Variants in DMD observed in about 807,000 individuals in gnomAD.
DMD encodes mutant dystrophin.
DMD carries 63 observed loss-of-function variants against 330.1 expected under a neutral mutation model. The ratio of observed to expected loss-of-function variants is 0.19; its 90% CI spans 0.16 to 0.24. DMD has a LOEUF of 0.24. DMD is among the 10% of genes least tolerant of loss of function. The probability of loss-of-function intolerance (pLI) is 1.00; values close to 1 mark genes in which losing one functional copy is unlikely to be tolerated. For missense variants in DMD, 3,344 were observed against 2,684.1 expected, an observed-to-expected ratio of 1.25 and a Z score of -5.43; for synonymous variants, 1,223 against 959.8, an observed-to-expected ratio of 1.27 and a Z score of -5.07.
intron 1 of DMD, among the ~76,000 whole-genome samples, chrX:33,332,981 A>T (rs964232492): frequency 9.0e-6 from 1 of 110,978 alleles, no homozygotes; most frequent in African/African-American, 3.3e-5. Context: ...GAGTAATGTG[A>T]ACCAGAGTTC....
At chrX:31,480,285 T>C (rs1176827143) in intron 57 of DMD, among the ~76,000 whole-genome samples, 1 of 111,577 alleles carries the variant, frequency 9.0e-6, no homozygotes, top group Non-Finnish European at 1.9e-5. Flanking sequence ...CTTAGCGGTG[T>C]TCACCATTCA....
intron 48 of DMD, among the ~76,000 whole-genome samples, chrX:31,846,130 G>A (rs1278096574): frequency 1.8e-5 from 2 of 109,578 alleles, no homozygotes; most frequent in Non-Finnish European, 3.8e-5. Context: ...TATGAAAAGG[G>A]GTGCCACCAT....
intron 44 of DMD, among the ~76,000 whole-genome samples, chrX:32,103,252 T>C (rs2096548368): frequency 8.9e-6 from 1 of 112,036 alleles, no homozygotes; most frequent in Non-Finnish European, 1.9e-5. Context: ...TACGCAGATA[T>C]GAGAACTATA....
intron 59 of DMD, among the ~76,000 whole-genome samples, chrX:31,456,082 T>C (rs1556647524): frequency 1.8e-5 from 2 of 109,088 alleles, no homozygotes; most frequent in Non-Finnish European, 3.8e-5. Flanking sequence ...TCTCTCTCTC[T>C]CCCTGCCTCC....
At chrX:31,145,118 C>G (rs150995519) in intron 76 of DMD, among the ~76,000 whole-genome samples, 20 of 112,188 alleles carry the variant, frequency 1.8e-4, no homozygotes, top group African/African-American at 2.6e-4. Context: ...ATTGTCTTCA[C>G]TTTCCTTAAT....
intron 7 of DMD, among the ~76,000 whole-genome samples, chrX:32,786,599 C>T (rs967771738): frequency 1.6e-4 from 18 of 111,769 alleles, no homozygotes; most frequent in Non-Finnish European, 1.9e-5. Flanking sequence ...TAAAACTTTT[C>T]CATTTATTTT....
intron 21 of DMD, among the ~76,000 whole-genome samples, chrX:32,482,176 T>C (rs935498957): frequency 3.6e-5 from 4 of 112,047 alleles, no homozygotes; most frequent in African/African-American, 1.3e-4. Context: ...TTCATTTTTT[T>C]CTTTGTTGAA....
rs148941433 is a variant in DMD, at chrX:32,372,731, T to C, written c.4846-7532A>G. ...ATTTAAAAATACAGTGAAAGGGCTA[T>C]GTCGCTGTAGGAAGTTGCAATTAGC... On this transcript the variant is annotated intron_variant, in intron 34 of 78. Transcript: ENST00000357033. Among the ~76,000 whole-genome samples, 653 of 111,516 alleles carry C rather than the reference T, an allele frequency of 5.9e-3. 5 individuals carry two copies. The highest frequency in any genetic ancestry group is 0.02 in the African/African-American group (616 of 30,763).
At chrX:32,106,127 T>C (rs778307550) in intron 44 of DMD, among the ~76,000 whole-genome samples, 22 of 111,902 alleles carry the variant, frequency 2.0e-4, no homozygotes, top group Non-Finnish European at 3.4e-4. Flanking sequence ...CAAGAATTTC[T>C]GATTCATTTG....
chrX:33,269,040 A>G (rs2053103565), intron 1 of DMD, among the ~76,000 whole-genome samples: 1 of 111,737 alleles, frequency 8.9e-6, no homozygotes, highest in Admixed American at 9.5e-5. Context: ...GATTTCTCAC[A>G]GAACTTAAAA....
intron 2 of DMD, among the ~76,000 whole-genome samples, chrX:32,884,277 A>AGAAT (rs2084310429): frequency 1.8e-5 from 2 of 111,659 alleles, no homozygotes; most frequent in Non-Finnish European, 3.8e-5. Flanking sequence ...TTCTAGACAT[A>AGAAT]TTCAACATAA....
At position 32,540,083 on chromosome X, in the gene DMD, A is replaced by C. The variant is rs181570441; in HGVS notation, c.2168+5076T>G. ...CCTGGTTGCTACAAAAGTATAAATT[A>C]AAGCTTTTTTTAAAAATCCCTTAAA... On this transcript the variant is annotated intron_variant, in intron 17 of 78. Coordinates refer to ENST00000357033, the MANE Select transcript of DMD (RefSeq NM_004006.3). 7.1e-5 allele frequency among the ~76,000 whole-genome samples: 8 copies of C among 112,064 alleles called. No homozygotes were observed. The East Asian group carries it at 2.2e-3, about 31-fold the overall frequency.
At chrX:32,503,377 G>A (rs1243677307) in intron 18 of DMD, among the ~76,000 whole-genome samples, 3 of 111,897 alleles carry the variant, frequency 2.7e-5, no homozygotes, top group African/African-American at 9.8e-5. Flanking sequence ...GCGACAGAGG[G>A]AAACTCTTTC....
intron 55 of DMD, among the ~76,000 whole-genome samples, chrX:31,509,573 A>G (rs2071286651): frequency 8.9e-6 from 1 of 111,831 alleles, no homozygotes; most frequent in Admixed American, 9.5e-5. Flanking sequence ...TGAAATTTAT[A>G]TCCTACATTG....
At chrX:32,461,383 G>A (rs1016954575) in intron 25 of DMD, among the ~76,000 whole-genome samples, 1 of 111,105 alleles carries the variant, frequency 9.0e-6, no homozygotes, top group Non-Finnish European at 1.9e-5. Context: ...TACAAAGTCA[G>A]AACATGGCCA....
At chrX:33,101,104 C>T (rs771361212) in intron 1 of DMD, among the ~76,000 whole-genome samples, 67 of 112,076 alleles carry the variant, frequency 6.0e-4, no homozygotes, top group Middle Eastern at 4.7e-3. Flanking sequence ...TGTTGGCAAT[C>T]GCAGCGTTTA....
chrX:32,713,412 G>A (rs2065375387), intron 7 of DMD, among the ~76,000 whole-genome samples: 1 of 111,235 alleles, frequency 9.0e-6, no homozygotes, highest in Admixed American at 9.6e-5. Context: ...GAAAGAGAAA[G>A]CTGGGGAAAT....
intron 1 of DMD, among the ~76,000 whole-genome samples, chrX:33,240,618 T>A (rs1706990371): frequency 8.9e-6 from 1 of 111,733 alleles, no homozygotes; most frequent in African/African-American, 3.3e-5. Context: ...GTTCTAGTTT[T>A]AATTTTTTTG....
intron 15 of DMD, 37 bp downstream of exon 15, chrX:32,573,493 G>T: frequency 1.9e-6 from 2 of 1,072,784 alleles, no homozygotes; most frequent in East Asian, 6.0e-5. Context: ...ACAGTACTGG[G>T]TTTTTATAAG....
Sources: allele counts gnomAD v4.1 joint callset (sites outside exome capture counted in the v4.1 genomes callset), GRCh38; gene constraint gnomAD v4.1.1; transcripts MANE v1.5; gene names NCBI Gene and HGNC (gene_info 2026-07-23, HGNC 2026-07-21).